The following STMN1 variants were observed in gnomAD, a reference collection of about 807,000 sequenced individuals.
STMN1 encodes the protein stathmin 1, also known as stathmin.
Under a neutral mutation model 19.7 loss-of-function variants are expected in STMN1, and 3 were observed. The observed-to-expected ratio is 0.15, with a 90% CI of 0.07 to 0.39. The LOEUF is 0.39. STMN1 is among the 10% of genes least tolerant of loss of function. The pLI, the probability that STMN1 is intolerant of heterozygous loss-of-function variation, is 1.00. For missense variants in STMN1, 99 were observed against 176.0 expected, an observed-to-expected ratio of 0.56 and a Z score of 2.48; for synonymous variants, 59 against 58.9, an observed-to-expected ratio of 1.00 and a Z score of -0.01.
chr1:25,885,849 C>A (rs2048716731), exon 5 of STMN1: 11 of 1,549,774 alleles, frequency 7.1e-6, no homozygotes, highest in Non-Finnish European at 9.6e-6. Context: ...GGGCCCCAGG[C>A]CCGTGAGTCC....
At chr1:25,888,092 G>A (rs1194421560) in intron 4 of STMN1, among the ~76,000 whole-genome samples, 2 of 152,114 alleles carry the variant, frequency 1.3e-5, no homozygotes, top group Non-Finnish European at 1.5e-5. Flanking sequence ...TAGCACAACC[G>A]CTGGTTAGCT....
chr1:25,897,478 T>G (rs1204894816), downstream of STMN1, among the ~76,000 whole-genome samples: 1 of 152,122 alleles, frequency 6.6e-6, no homozygotes, highest in Non-Finnish European at 1.5e-5. Flanking sequence ...AAAATCAGAA[T>G]TCTCCACTGG....
At chr1:25,890,708 C>T (rs2124227898) in intron 4 of STMN1, among the ~76,000 whole-genome samples, 1 of 152,274 alleles carries the variant, frequency 6.6e-6, no homozygotes, top group Middle Eastern at 3.4e-3. Context: ...TCTGACTACT[C>T]ATTTCATCCG....
At chr1:25,897,006 G>T (rs910952012), downstream of STMN1, among the ~76,000 whole-genome samples, 2 of 152,198 alleles carry the variant, frequency 1.3e-5, no homozygotes, top group Non-Finnish European at 2.9e-5. Context: ...TCCAAAGGGG[G>T]AAGCTTTTCT....
intron 4 of STMN1, among the ~76,000 whole-genome samples, chr1:25,894,334 T>C (rs1222533580): frequency 1.3e-5 from 2 of 151,852 alleles, no homozygotes; most frequent in African/African-American, 4.8e-5. Flanking sequence ...TGTTTAGATG[T>C]TGCATCCTGA....
At chr1:25,892,337 C>T (rs3129533) in intron 4 of STMN1, among the ~76,000 whole-genome samples, 84,482 of 150,678 alleles carry the variant, frequency 0.56, 23,867 homozygotes, top group South Asian at 0.75. Context: ...TGCAGTGAGC[C>T]GAGATTGCGC....
chr1:25,886,579 C>CTT (rs34974254), intron 4 of STMN1, among the ~76,000 whole-genome samples: 3,491 of 94,196 alleles, frequency 0.037, 191 homozygotes, highest in African/African-American at 0.11. Flanking sequence ...ACCCCCACCA[C>CTT]TTTTTTTTTT....
chr1:25,895,099 CTT>C (rs34587140), intron 4 of STMN1, among the ~76,000 whole-genome samples: 52,640 of 111,772 alleles, frequency 0.47, 11,574 homozygotes, highest in South Asian at 0.63. Context: ...TATTATACGT[CTT>C]TTTTTTTTTT....
chr1:25,896,494 CCTGT>C (rs200128828), downstream of STMN1, among the ~76,000 whole-genome samples: 833 of 152,192 alleles, frequency 5.5e-3, 7 homozygotes, highest in African/African-American at 0.019. Context: ...TGGCTCATTT[CCTGT>C]CTGTTTTTTC....
chr1:25,885,670 T>C, exon 5 of STMN1: 2 of 1,503,112 alleles, frequency 1.3e-6, no homozygotes, highest in Admixed American at 2.3e-5. Flanking sequence ...GGCCAGACTG[T>C]TCATCAGTCT....
chr1:25,901,688 A>C lies in STMN1; in HGVS notation c.187-6T>G, dbSNP rs1365027977. The C allele has an allele frequency of 6.2e-6, 10 of 1,603,818 alleles. No homozygotes were observed. The highest frequency in any genetic ancestry group is 8.5e-6 in the Non-Finnish European group (10 of 1,176,704). On this transcript the variant is annotated splice_region_variant and splice_polypyrimidine_tract_variant and intron_variant, in intron 3 of 4. Transcript: ENST00000455785. ...AAGACCTCAGCTTCATGGGACTGGAAAAAAAAGTTTAATAGGCTAGGCACT... is the reference window on the plus strand; with the variant it reads ...AAGACCTCAGCTTCATGGGACTGGACAAAAAAGTTTAATAGGCTAGGCACT...
intron 4 of STMN1, among the ~76,000 whole-genome samples, chr1:25,893,870 C>T (rs1443223371): frequency 6.6e-6 from 1 of 152,160 alleles, no homozygotes; most frequent in African/African-American, 2.4e-5. Context: ...GTGTCCCTGT[C>T]AGTGGCCAGG....
exon 5 of STMN1, chr1:25,885,831 T>C: frequency 6.4e-7 from 1 of 1,551,490 alleles, no homozygotes; most frequent in Non-Finnish European, 8.7e-7. Flanking sequence ...CAGAGATCTG[T>C]GCTGGGTGGG....
At position 25,906,344 on chromosome 1, in the gene STMN1, T is replaced by G. The variant is rs2048950181; in HGVS notation, c.-63+45A>C. ...CCCCTCCCGCCGACCGCGTCCCTCT[T>G]GCTGGCCTCAGCCAGCCGCCGCCTC... On this transcript the variant is annotated intron_variant, in intron 1 of 4. Transcript: ENST00000455785. The surrounding 1 kb of genome is among the most constrained non-coding windows in gnomAD (Gnocchi z 4.5). 1 of 153,344 alleles carries G rather than the reference T, an allele frequency of 6.5e-6. No individual in the cohort carries two copies. The highest frequency in any genetic ancestry group is 2.0e-4 in the South Asian group (1 of 4,884). The allele number at this position is 153,344 out of a possible 1,614,324, so 9.5% of individuals were successfully genotyped here. A position where few individuals can be genotyped will look rare whatever the true frequency, so the allele number is the denominator to read the frequency against.
chr1:25,902,187 A>C (rs2048883314), intron 3 of STMN1: 1 of 152,226 alleles, frequency 6.6e-6, no homozygotes, highest in Admixed American at 6.5e-5. Context: ...TAACTTTGGA[A>C]AAGTGCTTAT....
intron 1 of STMN1, 48 bp from the exon 2 acceptor site, chr1:25,904,786 T>C (rs2048918114): frequency 6.6e-7 from 1 of 1,505,996 alleles, no homozygotes; most frequent in Non-Finnish European, 9.0e-7. Context: ...TGCCTTTCTA[T>C]ATGTCATCAA....
In STMN1 at chr1:25,900,528, CTTGAT is replaced by C; in HGVS notation, c.*483_*487del. 1 of 985,984 alleles carries C rather than the reference CTTGAT, an allele frequency of 1.0e-6. No homozygotes were observed. Among genetic ancestry groups the C allele is most frequent in the South Asian group, 4.7e-5 (1 of 21,280 alleles). 61.1% of individuals were successfully genotyped at this position (985,984 alleles called of 1,614,324 possible). A position where few individuals can be genotyped will look rare whatever the true frequency, so the allele number is the denominator to read the frequency against. On this transcript the variant is annotated 3_prime_UTR_variant, in exon 5 of 5. Transcript: ENST00000455785. ...GTATCAACCAGGAGGGGCTCTATGG[CTTGAT>C]TTATTAACCTAACTCAAAAGAAGTC...
intron 4 of STMN1, 176 bp from the exon 5 acceptor site, chr1:25,901,263 G>A: frequency 7.9e-7 from 1 of 1,269,628 alleles, no homozygotes; most frequent in South Asian, 1.6e-5. Flanking sequence ...AATCTCCTGG[G>A]TCCCTTGTAG....
Position 25,900,320 on chromosome 1 carries a change from G to A in STMN1, c.*696C>T. 8 of 985,834 alleles carry A rather than the reference G, an allele frequency of 8.1e-6. No individual in the cohort carries two copies. Among genetic ancestry groups the A allele is most frequent in the Non-Finnish European group, 9.6e-6 (8 of 829,922 alleles). 61.1% of individuals were successfully genotyped at this position (985,834 alleles called of 1,614,324 possible). A position where few individuals can be genotyped will look rare whatever the true frequency, so the allele number is the denominator to read the frequency against. On this transcript the variant is annotated 3_prime_UTR_variant, in exon 5 of 5. Coordinates refer to ENST00000455785, the MANE Select transcript of STMN1 (RefSeq NM_005563.4). ...TTAAAAGGGACACAGAACAAAAAAT[G>A]GTTGTTTGCAAATAAACATCTGAAA...
Sources: gnomAD v4.1 joint callset for allele counts (sites outside exome capture counted in the v4.1 genomes callset) on GRCh38, gnomAD v4.1.1 for gene constraint, Gnocchi (gnomAD v3.1) non-coding constraint, MANE v1.5 for transcripts, NCBI Gene and HGNC (gene_info 2026-07-23, HGNC 2026-07-21) for gene names.